Variants in ATP2C2 observed in about 807,000 individuals in gnomAD.
The protein encoded by ATP2C2 is ATPase secretory pathway Ca2+ transporting 2.
A neutral mutation model predicts 110.8 loss-of-function variants in ATP2C2; 171 were observed. The ratio of observed to expected loss-of-function variants is 1.54; its 90% CI spans 1.36 to 1.75. The LOEUF (loss-of-function observed/expected upper bound fraction) is 1.75. Among genes scored for constraint, ATP2C2 ranks in the 40% most tolerant of loss-of-function variants. The probability of loss-of-function intolerance (pLI) is 0.00; values close to 1 mark genes in which losing one functional copy is unlikely to be tolerated. For synonymous variants in ATP2C2, 804 were observed against 508.4 expected (o/e 1.58, Z -7.82); for missense variants, 1,963 against 1,235.0 (o/e 1.59, Z -8.84).
intron 1 of ATP2C2, among the ~76,000 whole-genome samples, chr16:84,397,508 C>G (rs1905058772): frequency 6.6e-6 from 1 of 151,106 alleles, no homozygotes; most frequent in Non-Finnish European, 1.5e-5. Flanking sequence ...GACCCTGTCC[C>G]TACAAAATAT....
At chr16:84,453,274 C>G in intron 19 of ATP2C2, 39 bp downstream of exon 19, 1 of 1,614,026 alleles carries the variant, frequency 6.2e-7, no homozygotes, top group East Asian at 2.2e-5. Flanking sequence ...GGGGCTGGGT[C>G]ACAGCTTTGA....
At chr16:84,393,517 G>A (rs1263473010) in intron 1 of ATP2C2, among the ~76,000 whole-genome samples, 1 of 152,184 alleles carries the variant, frequency 6.6e-6, no homozygotes, top group East Asian at 1.9e-4. Flanking sequence ...GCTGAAGTCG[G>A]TTGAGAAGTG....
chr16:84,463,206 CATGTCGCTGGGAATTCATCCCAGGGA>C (rs1567471062), intron 26 of ATP2C2, among the ~76,000 whole-genome samples: 1 of 17,108 alleles, frequency 5.8e-5, no homozygotes, highest in Non-Finnish European at 1.2e-4. Flanking sequence ...TCCCAGGGAA[CATGTCGCTGGGAATTCATCCCAGGGA>C]ACATGTCGGG....
rs534783312 is a variant in ATP2C2, at chr16:84,381,912, A to C, written c.99+13198A>C. Among the ~76,000 whole-genome samples the C allele has an allele frequency of 1.2e-4, 19 of 152,302 alleles. No individual in the cohort carries two copies. In the South Asian group the frequency reaches 3.9e-3, roughly 32 times the overall value. On this transcript the variant is annotated intron_variant, in intron 1 of 26. Coordinates refer to ENST00000262429, the MANE Select transcript of ATP2C2 (RefSeq NM_014861.4). ...CCAGGGTCACACAGCTCTTCATGGA[A>C]TTGGGCCCAGGGCGGCCTGAATTCT... is the stretch of plus-strand genomic sequence containing the variant.
At chr16:84,388,921 G>A (rs745350010) in intron 1 of ATP2C2, among the ~76,000 whole-genome samples, 93 of 152,162 alleles carry the variant, frequency 6.1e-4, no homozygotes, top group African/African-American at 2.0e-3. Flanking sequence ...ACAGGTGGGC[G>A]CCACCATGCT....
chr16:84,429,998 T>G (rs1324584765), intron 11 of ATP2C2, among the ~76,000 whole-genome samples: 1 of 152,100 alleles, frequency 6.6e-6, no homozygotes, highest in African/African-American at 2.4e-5. Flanking sequence ...TGTCACATGG[T>G]CTCCTCCTCT....
intron 7 of ATP2C2, among the ~76,000 whole-genome samples, chr16:84,421,057 C>T (rs566994696): frequency 2.6e-5 from 4 of 152,284 alleles, no homozygotes; most frequent in Non-Finnish European, 4.4e-5. Flanking sequence ...CTGCCTGCCT[C>T]GGCCTCCCAA....
At chr16:84,372,924 C>G (rs538117941) in intron 1 of ATP2C2, among the ~76,000 whole-genome samples, 2 of 151,164 alleles carry the variant, frequency 1.3e-5, no homozygotes, top group African/African-American at 2.4e-5. Flanking sequence ...AGTTCAAGAC[C>G]AACCTGGCCA....
rs186910526 is a variant in ATP2C2, at chr16:84,409,513, T to G, written c.417+1019T>G. Among the ~76,000 whole-genome samples, 9 of 152,298 alleles carry G rather than the reference T, an allele frequency of 5.9e-5. No homozygotes were observed. The East Asian group carries it at 1.7e-3, about 29-fold the overall frequency. ...GTATCTGGCTTCTCCTGAGCACATT[T>G]TTTTTTCTTTTTTTGAGACAGAGTC... is the stretch of plus-strand genomic sequence containing the variant. On this transcript the variant is annotated intron_variant, in intron 4 of 26. Transcript: ENST00000262429.
rs145463404 is a variant in ATP2C2, at chr16:84,461,821, C to A, written c.2580+9C>A. Reference sequence around the variant, plus strand: ...TGACCTGCCGCTCTCAGGTGAGACCCGGGCTGACCCTCCTCGCTGCAGAGC... The same window carrying A: ...TGACCTGCCGCTCTCAGGTGAGACCAGGGCTGACCCTCCTCGCTGCAGAGC... On this transcript the variant is annotated intron_variant, in intron 25 of 26. Coordinates refer to ENST00000262429, the MANE Select transcript of ATP2C2 (RefSeq NM_014861.4). 1.2e-6 allele frequency: 2 copies of A among 1,612,662 alleles called. No individual in the cohort carries two copies. The highest frequency in any genetic ancestry group is 2.2e-5 in the South Asian group (2 of 91,052).
intron 7 of ATP2C2, among the ~76,000 whole-genome samples, chr16:84,421,750 A>G (rs750718920): frequency 3.9e-5 from 6 of 152,232 alleles, no homozygotes; most frequent in Non-Finnish European, 8.8e-5. Flanking sequence ...AAACTTGAAC[A>G]AATTACTTAA....
intron 6 of ATP2C2, among the ~76,000 whole-genome samples, chr16:84,412,338 ATGCGTGTGTCTGCG>A (rs1906402271): frequency 8.7e-6 from 1 of 115,564 alleles, no homozygotes; most frequent in Non-Finnish European, 1.9e-5. Flanking sequence ...GTGTGTCTGT[ATGCGTGTGTCTGCG>A]TGCGTGTGTG....
intron 1 of ATP2C2, among the ~76,000 whole-genome samples, chr16:84,374,576 G>T (rs933001598): frequency 6.6e-6 from 1 of 152,088 alleles, no homozygotes; most frequent in Non-Finnish European, 1.5e-5. Flanking sequence ...TTTAATAAGG[G>T]TAAAGAATCC....
chr16:84,380,624 G>A (rs1336910730), intron 1 of ATP2C2, among the ~76,000 whole-genome samples: 1 of 152,116 alleles, frequency 6.6e-6, no homozygotes, highest in Non-Finnish European at 1.5e-5. Flanking sequence ...GCAGGATTGT[G>A]GTTAAGAGCA....
In ATP2C2 at chr16:84,439,268, G is replaced by T; in HGVS notation, c.1089G>T (p.Lys363Asn). The T allele has an allele frequency of 6.2e-7, 1 of 1,612,740 alleles. No individual in the cohort carries two copies. Among genetic ancestry groups the T allele is most frequent in the Non-Finnish European group, 8.5e-7 (1 of 1,180,026 alleles). ...CCAAGAAGCGGGTCATCGTGAAGAA[G>T]TTACCCATCGTGGAGACTTTAGGTG... Reference protein sequence around the residue: ...RMAKKRVIVKKLPIVETLGCC... With the variant: ...RMAKKRVIVKNLPIVETLGCC... The change falls in exon 12 of 27, where the codon AAG (lysine) becomes AAT (asparagine). Residue 363 changes from lysine (K) to asparagine (N), a missense_variant. Transcript: ENST00000262429.
chr16:84,415,410 G>T, intron 6 of ATP2C2, 73 bp from the exon 7 acceptor site: 1 of 1,249,030 alleles, frequency 8.0e-7, no homozygotes, highest in Non-Finnish European at 1.2e-6. Flanking sequence ...TATTCTCCTT[G>T]TTCAAATGTA....
chr16:84,376,850 A>T (rs1418184643), intron 1 of ATP2C2, among the ~76,000 whole-genome samples: 1 of 152,162 alleles, frequency 6.6e-6, no homozygotes, highest in African/African-American at 2.4e-5. Flanking sequence ...CTGCACGGGG[A>T]TCTCTGTGCA....
chr16:84,445,766 C>T (rs950687894), intron 15 of ATP2C2, among the ~76,000 whole-genome samples: 1 of 152,236 alleles, frequency 6.6e-6, no homozygotes. Flanking sequence ...GCACTTTCTA[C>T]GTAAAAGGAG....
Position 84,448,706 on chromosome 16 carries a change from C to A in ATP2C2, c.1660+17C>A. 6.2e-7 allele frequency: 1 copy of A among 1,604,128 alleles called. No individual in the cohort carries two copies. The highest frequency in any genetic ancestry group is 2.2e-5 in the East Asian group (1 of 44,518). On this transcript the variant is annotated intron_variant, in intron 17 of 26. Transcript: ENST00000262429. ...GTTTGCGGGGTCAGTGCCTGTGGTC[C>A]CGGCCCAGAGCTTTAAGCTTGCATG...
Sources: allele counts gnomAD v4.1 joint callset (sites outside exome capture counted in the v4.1 genomes callset), GRCh38; gene constraint gnomAD v4.1.1; transcripts MANE v1.5; gene names NCBI Gene and HGNC (gene_info 2026-07-23, HGNC 2026-07-21).